Variants in MED12L observed in about 807,000 individuals in gnomAD.
MED12L encodes mediator complex subunit 12L, also known as mediator of RNA polymerase II transcription subunit 12-like protein.
A neutral mutation model predicts 281.3 loss-of-function variants in MED12L; 60 were observed. The ratio of observed to expected loss-of-function variants is 0.21; its 90% CI spans 0.17 to 0.26. MED12L has a LOEUF of 0.26. Ranked by LOEUF, MED12L falls within the 10% of genes least tolerant of loss-of-function variation. The probability of loss-of-function intolerance (pLI) is 1.00; values close to 1 mark genes in which losing one functional copy is unlikely to be tolerated. For synonymous variants in MED12L, 974 were observed against 987.2 expected (o/e 0.99, Z 0.25); for missense variants, 2,146 against 2,680.9 (o/e 0.80, Z 4.41).
At chr3:151,169,090 T>C (rs1346644656) in intron 11 of MED12L, among the ~76,000 whole-genome samples, 1 of 151,712 alleles carries the variant, frequency 6.6e-6, no homozygotes, top group Non-Finnish European at 1.5e-5. Flanking sequence ...CAGGGGTTAC[T>C]GTTTTCTTTT....
chr3:151,160,256 C>T (rs1719815567), intron 8 of MED12L, among the ~76,000 whole-genome samples, 155 bp downstream of exon 8: 1 of 151,956 alleles, frequency 6.6e-6, no homozygotes, highest in Non-Finnish European at 1.5e-5. Flanking sequence ...TTTTTATTTC[C>T]CTGTGATGGA....
chr3:151,138,564 C>G (rs997896285), intron 5 of MED12L, among the ~76,000 whole-genome samples: 32 of 152,120 alleles, frequency 2.1e-4, no homozygotes, highest in African/African-American at 7.7e-4. Flanking sequence ...TCATATCTCC[C>G]TAGGCTTCTC....
intron 11 of MED12L, among the ~76,000 whole-genome samples, chr3:151,167,057 G>A (rs1382254576): frequency 1.3e-5 from 2 of 152,134 alleles, no homozygotes; most frequent in South Asian, 2.1e-4. Flanking sequence ...CTCAAAGTCT[G>A]TTGATTTAAA....
intron 16 of MED12L, among the ~76,000 whole-genome samples, chr3:151,314,183 T>A (rs1045369625): frequency 6.6e-6 from 1 of 152,224 alleles, no homozygotes; most frequent in African/African-American, 2.4e-5. Context: ...TTACACTAAA[T>A]GGAACTTAAT....
chr3:151,325,824 A>T (rs146536414), intron 16 of MED12L, among the ~76,000 whole-genome samples: 1 of 152,242 alleles, frequency 6.6e-6, no homozygotes, highest in Non-Finnish European at 1.5e-5. Flanking sequence ...TTACCCCACC[A>T]GACATACCTG....
Position 151,159,985 on chromosome 3 carries a change from G to A in MED12L, c.991G>A (p.Ala331Thr), listed in dbSNP as rs781393856. Residue 331 changes from alanine (A) to threonine (T), a missense_variant, in exon 8 of 45, where the codon GCC becomes ACC. By Grantham distance (58) the Ala-to-Thr change is moderately conservative. Coordinates refer to ENST00000687756, the MANE Select transcript of MED12L (RefSeq NM_001393769.1). ...AGGACCAAACAACTCGAGTATCGGG[G>A]CCCCCAGCCCTGGCCCCCCCGGCCC... ...MIGPNNSSIG[A>T]PSPGPPGPGM... 2 of 1,614,154 alleles carry A rather than the reference G, an allele frequency of 1.2e-6. No individual in the cohort carries two copies. Among genetic ancestry groups the A allele is most frequent in the Non-Finnish European group, 1.7e-6 (2 of 1,180,022 alleles).
At chr3:151,369,027 C>T (rs1169770502) in intron 25 of MED12L, among the ~76,000 whole-genome samples, 1 of 152,136 alleles carries the variant, frequency 6.6e-6, no homozygotes, top group East Asian at 1.9e-4. Context: ...TCCCAAAGTG[C>T]TGGGATTACA....
chr3:151,163,805 T>G (rs1246444166), intron 8 of MED12L, 88 bp from the exon 9 acceptor site: 6 of 1,325,010 alleles, frequency 4.5e-6, no homozygotes, highest in Non-Finnish European at 6.3e-6. Context: ...AATAATACAG[T>G]GATGACAGGG....
At chr3:151,145,383 T>C (rs1717624515) in intron 5 of MED12L, among the ~76,000 whole-genome samples, 1 of 152,230 alleles carries the variant, frequency 6.6e-6, no homozygotes. Flanking sequence ...TTTAAGGCAT[T>C]GCATCCCACA....
At position 151,255,051 on chromosome 3, in the gene MED12L, C is replaced by T. The variant is rs575767834; in HGVS notation, c.2250+61385C>T. On this transcript the variant is annotated intron_variant, in intron 16 of 44. Coordinates refer to ENST00000687756, the MANE Select transcript of MED12L (RefSeq NM_001393769.1). ...AATATAGTATTATACTCATAATAAGCGAGGCCTTTGCTTGTATTCATTTAA... is the reference window on the plus strand; with the variant it reads ...AATATAGTATTATACTCATAATAAGTGAGGCCTTTGCTTGTATTCATTTAA... 3.3e-5 allele frequency among the ~76,000 whole-genome samples: 5 copies of T among 152,056 alleles called. No individual in the cohort carries two copies. The East Asian group carries it at 5.8e-4, about 18-fold the overall frequency.
intron 16 of MED12L, among the ~76,000 whole-genome samples, chr3:151,215,190 A>G (rs1398980048): frequency 6.6e-6 from 1 of 152,184 alleles, no homozygotes; most frequent in Admixed American, 6.5e-5. Flanking sequence ...AATGATAAAA[A>G]GTACTTTAAG....
At chr3:151,137,670 T>G (rs1165819801) in intron 5 of MED12L, among the ~76,000 whole-genome samples, 1 of 152,220 alleles carries the variant, frequency 6.6e-6, no homozygotes, top group Non-Finnish European at 1.5e-5. Flanking sequence ...TTTCTTCAAT[T>G]TTATGTTTAT....
chr3:151,338,339 G>C, intron 16 of MED12L: 1 of 1,614,104 alleles, frequency 6.2e-7, no homozygotes, highest in Non-Finnish European at 8.5e-7. Context: ...TCACATTCTT[G>C]TCTCTCGGCT....
At chr3:151,429,715 C>G (rs1168485386) in intron 43 of MED12L, among the ~76,000 whole-genome samples, 2 of 152,100 alleles carry the variant, frequency 1.3e-5, no homozygotes, top group Non-Finnish European at 2.9e-5. Context: ...TTTGCATGGC[C>G]CTGGGAATTA....
Position 151,378,019 on chromosome 3 carries a change from G to A in MED12L, c.4324G>A (p.Glu1442Lys), listed in dbSNP as rs1711540343. ...NGIKTFLSSSERRGVWLVAPL... is the reference protein window; with the variant it reads ...NGIKTFLSSSKRRGVWLVAPL... Reference sequence around the variant, plus strand: ...ACCTGTTTCTGATTTTAGTTCCTCCGAACGCAGGGGTGTATGGTTGGTGGC... The same window carrying A: ...ACCTGTTTCTGATTTTAGTTCCTCCAAACGCAGGGGTGTATGGTTGGTGGC... The change falls in exon 31 of 45, where the codon GAA becomes AAA. Residue 1442 changes from glutamate to lysine, a missense_variant. Physicochemically the swap from Glu to Lys is moderately conservative, Grantham distance 56 (BLOSUM62 1). Transcript: ENST00000687756. 6.3e-7 allele frequency: 1 copy of A among 1,598,136 alleles called. No individual in the cohort carries two copies. The highest frequency in any genetic ancestry group is 8.5e-7 in the Non-Finnish European group (1 of 1,170,616).
At chr3:151,320,765 T>C (rs1315407338) in intron 16 of MED12L, among the ~76,000 whole-genome samples, 2 of 152,160 alleles carry the variant, frequency 1.3e-5, no homozygotes, top group Admixed American at 6.5e-5. Context: ...ACTTAATCTA[T>C]CTCCTTGCTT....
intron 16 of MED12L, among the ~76,000 whole-genome samples, chr3:151,330,690 C>T (rs1037093731): frequency 1.3e-5 from 2 of 152,076 alleles, no homozygotes; most frequent in African/African-American, 2.4e-5. Flanking sequence ...AACTTAATAT[C>T]CCCCTGGACA....
rs148564985 is a variant in MED12L, at chr3:151,372,645, G to A, written c.3743G>A (p.Gly1248Glu). ...DFTMRGLRCD[G>E]NADDIWTASQ... ...ACCATGAGAGGTTTGCGATGTGATG[G>A]GAATGCTGATGATATCTGGACTGCC... Residue 1248 changes from glycine (G) to glutamate (E), a missense_variant, in exon 27 of 45, where the codon GGG (glycine) becomes GAG (glutamate). Physicochemically the swap from Gly to Glu is moderately conservative, Grantham distance 98. This residue lies in a region of MED12L where 235 missense variants were observed against 260.3 expected (regional missense o/e 0.90). Coordinates refer to ENST00000687756, the MANE Select transcript of MED12L (RefSeq NM_001393769.1). The A allele has an allele frequency of 1.9e-6, 3 of 1,613,788 alleles. No individual in the cohort carries two copies. The highest frequency in any genetic ancestry group is 1.7e-6 in the Non-Finnish European group (2 of 1,179,856).
intron 2 of MED12L, among the ~76,000 whole-genome samples, chr3:151,089,131 T>C (rs372152579): frequency 5.3e-5 from 8 of 152,334 alleles, no homozygotes; most frequent in African/African-American, 1.9e-4. Context: ...TTTAAGAAAC[T>C]TTGTGTTTCC....
Sources: allele counts gnomAD v4.1 joint callset (sites outside exome capture counted in the v4.1 genomes callset), GRCh38; gene constraint gnomAD v4.1.1; regional missense constraint gnomAD v4.1.1; transcripts MANE v1.5; gene names NCBI Gene and HGNC (gene_info 2026-07-23, HGNC 2026-07-21).